The following SPCS2 variants were observed in gnomAD, a reference collection of about 807,000 sequenced individuals.
The protein encoded by SPCS2 is SPase 25 kDa subunit.
A neutral mutation model predicts 22.3 loss-of-function variants in SPCS2; 3 were observed. The ratio of observed to expected loss-of-function variants is 0.13; its 90% CI spans 0.06 to 0.35. SPCS2 has a LOEUF of 0.35. Ranked by LOEUF, SPCS2 falls within the 10% of genes least tolerant of loss-of-function variation. The probability of loss-of-function intolerance (pLI) is 1.00; values close to 1 mark genes in which losing one functional copy is unlikely to be tolerated. For missense variants in SPCS2, 169 were observed against 280.9 expected, an observed-to-expected ratio of 0.60 and a Z score of 2.85; for synonymous variants, 67 against 97.2, an observed-to-expected ratio of 0.69 and a Z score of 1.83.
intron 4 of SPCS2, among the ~76,000 whole-genome samples, chr11:74,971,796 G>A (rs940378611): frequency 4.6e-5 from 7 of 152,166 alleles, no homozygotes; most frequent in African/African-American, 1.7e-4. Context: ...AACTCCTTCA[G>A]CATATGAAGT....
chr11:74,966,005 C>T lies in SPCS2; in HGVS notation c.359+82C>T, dbSNP rs533640530. 164 of 1,331,176 alleles carry T rather than the reference C, an allele frequency of 1.2e-4. No individual in the cohort carries two copies. In the Middle Eastern group the frequency reaches 1.9e-3, roughly 15 times the overall value. The allele number at this position is 1,331,176 out of a possible 1,614,324, so 82.5% of individuals were successfully genotyped here. A position where few individuals can be genotyped will look rare whatever the true frequency, so the allele number is the denominator to read the frequency against. ...ATATTTCTCCCTACAAAAAACAAAACGGACTTTCATATTAGGGCTTGCTAA... is the reference window on the plus strand; with the variant it reads ...ATATTTCTCCCTACAAAAAACAAAATGGACTTTCATATTAGGGCTTGCTAA... On this transcript the variant is annotated intron_variant, in intron 3 of 4. Coordinates refer to ENST00000263672, the MANE Select transcript of SPCS2 (RefSeq NM_014752.3).
intron 2 of SPCS2, 42 bp downstream of exon 2, chr11:74,965,159 A>C: frequency 7.9e-7 from 1 of 1,269,096 alleles, no homozygotes; most frequent in Non-Finnish European, 1.1e-6. Flanking sequence ...TATACAGCTG[A>C]TGGCCATCTC....
At chr11:74,968,513 T>G (rs938277158) in intron 3 of SPCS2, among the ~76,000 whole-genome samples, 8 of 147,686 alleles carry the variant, frequency 5.4e-5, no homozygotes, top group South Asian at 2.1e-4. Flanking sequence ...TTGTGGGTTT[T>G]TTTTGTTTTT....
At chr11:74,973,416 T>A (rs1000467105) in intron 4 of SPCS2, among the ~76,000 whole-genome samples, 4 of 152,236 alleles carry the variant, frequency 2.6e-5, no homozygotes, top group Non-Finnish European at 1.5e-5. Context: ...TTTTACTTCC[T>A]TTCTTCCCAT....
chr11:74,952,713 C>T (rs1023716120), intron 1 of SPCS2, among the ~76,000 whole-genome samples: 2 of 152,174 alleles, frequency 1.3e-5, no homozygotes, highest in African/African-American at 4.8e-5. Context: ...AGAACCCCAA[C>T]ATGAGTAGCA....
rs1174656049 is a variant in SPCS2, at chr11:74,977,501, T to C, written c.*458T>C. The stretch of plus-strand genomic sequence containing the variant: ...ATGACAGCTTTCCTTCACACACTAT[T>C]TTTGTGGGTGTGTATATATCTGATT... On this transcript the variant is annotated 3_prime_UTR_variant, in exon 5 of 5. Coordinates refer to ENST00000263672, the MANE Select transcript of SPCS2 (RefSeq NM_014752.3). The C allele has an allele frequency of 6.6e-6, 1 of 152,192 alleles. No homozygotes were observed. The highest frequency in any genetic ancestry group is 1.5e-5 in the Non-Finnish European group (1 of 68,034). 9.4% of individuals were successfully genotyped at this position (152,192 alleles called of 1,614,324 possible).
chr11:74,972,720 CTTTTTTTT>C (rs1027143391), intron 4 of SPCS2, among the ~76,000 whole-genome samples: 1 of 141,802 alleles, frequency 7.1e-6, no homozygotes, highest in Non-Finnish European at 1.5e-5. Context: ...ATTCCCTTCT[CTTTTTTTT>C]TTTTTTAAAC....
intron 4 of SPCS2, 83 bp downstream of exon 4, chr11:74,969,782 G>A (rs1948569973): frequency 6.8e-7 from 1 of 1,478,944 alleles, no homozygotes; most frequent in African/African-American, 1.4e-5. Context: ...GACTTATTAT[G>A]TGCCTACTCT....
At chr11:74,949,699 G>A (rs771562581) in intron 1 of SPCS2, 1 of 471,698 alleles carries the variant, frequency 2.1e-6, no homozygotes, top group African/African-American at 2.0e-5. Context: ...TTTCTCCTGG[G>A]GGGCTGGGTG....
intron 1 of SPCS2, among the ~76,000 whole-genome samples, chr11:74,955,078 C>T (rs192540161): frequency 1.3e-5 from 2 of 152,244 alleles, no homozygotes; most frequent in African/African-American, 2.4e-5. Flanking sequence ...GGAAAATAAC[C>T]TGTTTTGGTG....
chr11:74,955,851 A>AATATATATATATATATATATATATAT lies in SPCS2; in HGVS notation c.114+6463_114+6488dup, dbSNP rs60855711. Among the ~76,000 whole-genome samples the AATATATATATATATATATATATATAT allele has an allele frequency of 6.3e-3, 348 of 55,488 alleles. 28 individuals are homozygous for AATATATATATATATATATATATATAT. Among genetic ancestry groups the AATATATATATATATATATATATATAT allele is most frequent in the East Asian group, 9.4e-3 (11 of 1,170 alleles). 36.4% of individuals were successfully genotyped at this position (55,488 alleles called of 152,430 possible). A position where few individuals can be genotyped will look rare whatever the true frequency, so the allele number is the denominator to read the frequency against. ...TACTATTACTTTAATTACTAATTAAAATATATATATATATATATATATATA... is the reference window on the plus strand; with the variant it reads ...TACTATTACTTTAATTACTAATTAAAATATATATATATATATATATATATATATATATATATATATATATATATATA... On this transcript the variant is annotated intron_variant, in intron 1 of 4. Transcript: ENST00000263672.
chr11:74,963,489 G>T (rs1644020155), intron 1 of SPCS2: 5 of 345,446 alleles, frequency 1.4e-5, no homozygotes, highest in South Asian at 4.6e-5. Flanking sequence ...TTGTATTTCT[G>T]TAGTTGTTTA....
At chr11:74,976,252 C>T (rs1948613052) in intron 4 of SPCS2, among the ~76,000 whole-genome samples, 1 of 152,172 alleles carries the variant, frequency 6.6e-6, no homozygotes, top group Admixed American at 6.5e-5. Flanking sequence ...CTGATTCAAG[C>T]ACCAGAAACA....
chr11:74,969,418 G>GAA, intron 3 of SPCS2, 147 bp from the exon 4 acceptor site: 1 of 720,096 alleles, frequency 1.4e-6, no homozygotes, highest in Non-Finnish European at 2.3e-6. Flanking sequence ...GGATGAAAAT[G>GAA]AAATAGCTAA....
At chr11:74,959,712 C>G (rs1357836489) in intron 1 of SPCS2, among the ~76,000 whole-genome samples, 1 of 152,106 alleles carries the variant, frequency 6.6e-6, no homozygotes, top group East Asian at 1.9e-4. Flanking sequence ...CTTATTTTGT[C>G]TCTTTTTTTG....
At chr11:74,951,462 G>A (rs960318735) in intron 1 of SPCS2, among the ~76,000 whole-genome samples, 12 of 152,144 alleles carry the variant, frequency 7.9e-5, no homozygotes, top group African/African-American at 2.9e-4. Flanking sequence ...GTGTGTACTT[G>A]TTACGGAAGT....
chr11:74,967,187 G>T (rs573964040), intron 3 of SPCS2, among the ~76,000 whole-genome samples: 1 of 152,160 alleles, frequency 6.6e-6, no homozygotes. Flanking sequence ...GGTGATCCTT[G>T]ACTCCTTTCA....
rs192098394 is a variant in SPCS2 at position 74,970,738 on chromosome 11, A to G, written c.494+1039A>G. ...GGGCTTCTAGCTGCCCTTTGGCCTC[A>G]GCCATCATAATCTGCATCCTCTACC... is the stretch of plus-strand genomic sequence containing the variant. On this transcript the variant is annotated intron_variant, in intron 4 of 4. Transcript: ENST00000263672. Among the ~76,000 whole-genome samples, 343 of 152,326 alleles carry G rather than the reference A, an allele frequency of 2.3e-3. 1 individual carries two copies. The highest frequency in any genetic ancestry group is 7.6e-3 in the African/African-American group (317 of 41,568).
intron 1 of SPCS2, among the ~76,000 whole-genome samples, chr11:74,958,070 A>G (rs1362584787): frequency 6.6e-6 from 1 of 152,236 alleles, no homozygotes; most frequent in Non-Finnish European, 1.5e-5. Flanking sequence ...CTGGCCCTCA[A>G]AGAGCTTCAG....
Sources: gnomAD v4.1 joint callset for allele counts (sites outside exome capture counted in the v4.1 genomes callset) on GRCh38, gnomAD v4.1.1 for gene constraint, MANE v1.5 for transcripts, NCBI Gene and HGNC (gene_info 2026-07-23, HGNC 2026-07-21) for gene names.